Variants in HRH2 observed in about 807,000 individuals in gnomAD.
HRH2 encodes the protein histamine receptor H2.
A neutral mutation model predicts 20.1 loss-of-function variants in HRH2; 4 were observed. That is an observed-to-expected ratio of 0.20 (90% CI 0.10 to 0.45). HRH2 has a LOEUF of 0.45. Among genes scored for constraint, HRH2 ranks in the 20% least tolerant of loss-of-function variants. The pLI is 0.99. For synonymous variants in HRH2, 197 were observed against 200.7 expected (o/e 0.98, Z 0.16); for missense variants, 250 against 461.6 (o/e 0.54, Z 4.20).
intron 2 of HRH2, among the ~76,000 whole-genome samples, chr5:175,698,533 C>G (rs1047051761): frequency 3.7e-4 from 56 of 152,300 alleles, no homozygotes; most frequent in African/African-American, 1.2e-3. Flanking sequence ...AGCTCAGGCC[C>G]CAGAACACGA....
intron 1 of HRH2, among the ~76,000 whole-genome samples, chr5:175,662,803 G>C (rs1222561350): frequency 1.3e-5 from 2 of 152,138 alleles, no homozygotes; most frequent in Admixed American, 1.3e-4. Context: ...AAAGAAACCT[G>C]TCCACATTAG....
rs536902216 is a variant in HRH2, at chr5:175,681,680, T to C, written c.-525-1029T>C. The stretch of plus-strand genomic sequence containing the variant: ...CGTAGTGTTTGCACTACTTCAATAG[T>C]GCAAAGGGAGGAAGGGAGGAAGGAG... On this transcript the variant is annotated intron_variant, in intron 1 of 2. Coordinates refer to ENST00000636584, the MANE Select transcript of HRH2 (RefSeq NM_001367711.1). The surrounding 1 kb of genome is among the most constrained non-coding windows in gnomAD (Gnocchi z 4.3). 6.6e-6 allele frequency among the ~76,000 whole-genome samples: 1 copy of C among 152,298 alleles called. No homozygotes were observed. Among genetic ancestry groups the C allele is most frequent in the South Asian group, 2.1e-4 (1 of 4,824 alleles).
intron 1 of HRH2, among the ~76,000 whole-genome samples, chr5:175,658,356 G>A (rs1480513653): frequency 3.3e-5 from 5 of 152,186 alleles, no homozygotes; most frequent in African/African-American, 1.2e-4. Context: ...CCTCCGCCTG[G>A]CCTGCGAGCC....
intron 2 of HRH2, among the ~76,000 whole-genome samples, chr5:175,697,110 A>G (rs970971144): frequency 2.6e-5 from 4 of 152,180 alleles, no homozygotes; most frequent in African/African-American, 7.2e-5. Flanking sequence ...CAGGCTGAGC[A>G]CACACTACAT....
At chr5:175,702,202 A>T (rs1404415576) in intron 2 of HRH2, among the ~76,000 whole-genome samples, 2 of 152,308 alleles carry the variant, frequency 1.3e-5, no homozygotes, top group South Asian at 2.1e-4. Context: ...TAGAGATTCC[A>T]TATGGTATGG....
chr5:175,697,462 C>CAAA lies in HRH2; in HGVS notation c.1077-10301_1077-10299dup, dbSNP rs60466733. On this transcript the variant is annotated intron_variant, in intron 2 of 2. Transcript: ENST00000636584. Reference sequence around the variant, plus strand: ...TGGGCGAAAGAGTGAGACTCCGTCTCAAAAAAAAAAAAAAAAAAGAGGATG... The same window carrying CAAA: ...TGGGCGAAAGAGTGAGACTCCGTCTCAAAAAAAAAAAAAAAAAAAAAGAGGATG... Among the ~76,000 whole-genome samples, 562 of 82,554 alleles carry CAAA rather than the reference C, an allele frequency of 6.8e-3. 7 individuals are homozygous for CAAA. Among genetic ancestry groups the CAAA allele is most frequent in the African/African-American group, 0.019 (534 of 28,376 alleles). 54.2% of individuals were successfully genotyped at this position (82,554 alleles called of 152,430 possible). A position where few individuals can be genotyped will look rare whatever the true frequency, so the allele number is the denominator to read the frequency against.
In HRH2 at chr5:175,669,082, C is replaced by T. The variant is rs550350843; in HGVS notation, c.-526+10927C>T. Among the ~76,000 whole-genome samples, 22 of 152,050 alleles carry T rather than the reference C, an allele frequency of 1.4e-4. No homozygotes were observed. In the South Asian group the frequency reaches 3.1e-3, roughly 22 times the overall value. ...GTAGCCTCCACCTCCTGGGCCCAAG[C>T]GATCCTCCTGCCTCGGCCTTCCAAA... On this transcript the variant is annotated intron_variant, in intron 1 of 2. Coordinates refer to ENST00000636584, the MANE Select transcript of HRH2 (RefSeq NM_001367711.1).
intron 1 of HRH2, among the ~76,000 whole-genome samples, chr5:175,658,914 C>T (rs1026034929): frequency 6.6e-6 from 1 of 152,178 alleles, no homozygotes; most frequent in African/African-American, 2.4e-5. Flanking sequence ...CCACCCCGTC[C>T]ATGAGGTGTT....
chr5:175,691,702 G>T (rs1435333476), intron 2 of HRH2, among the ~76,000 whole-genome samples: 2 of 151,680 alleles, frequency 1.3e-5, no homozygotes, highest in Non-Finnish European at 2.9e-5. Flanking sequence ...GGCCAACATG[G>T]TGAAACCCCA....
At chr5:175,698,856 G>A (rs1248088330) in intron 2 of HRH2, among the ~76,000 whole-genome samples, 1 of 152,228 alleles carries the variant, frequency 6.6e-6, no homozygotes, top group African/African-American at 2.4e-5. Context: ...GGGTGCAAAA[G>A]CGAACCCAGA....
chr5:175,664,209 C>T (rs1209068559), intron 1 of HRH2, among the ~76,000 whole-genome samples: 1 of 152,184 alleles, frequency 6.6e-6, no homozygotes, highest in African/African-American at 2.4e-5. Flanking sequence ...CCACCTTGGG[C>T]TCTAGAATTG....
intron 1 of HRH2, among the ~76,000 whole-genome samples, chr5:175,665,742 G>A (rs1762869441): frequency 6.6e-6 from 1 of 152,140 alleles, no homozygotes; most frequent in Admixed American, 6.5e-5. Flanking sequence ...GATGTCAACT[G>A]AGGCCAAGCT....
chr5:175,664,025 T>G (rs1225218457), intron 1 of HRH2, among the ~76,000 whole-genome samples: 1 of 152,130 alleles, frequency 6.6e-6, no homozygotes, highest in Non-Finnish European at 1.5e-5. Context: ...GTGAGAGAAG[T>G]GTGGCTGGAG....
rs943819332 is a variant in HRH2, at chr5:175,709,422, C to T, written c.*1451C>T. On this transcript the variant is annotated 3_prime_UTR_variant, in exon 3 of 3. Coordinates refer to ENST00000636584, the MANE Select transcript of HRH2 (RefSeq NM_001367711.1). ...CAGATTTATAACTGCAGGCTTGGCT[C>T]CTTCCGGGAGCTTGAGACCCACTGC... 3 of 152,210 alleles carry T rather than the reference C, an allele frequency of 2.0e-5. No individual in the cohort carries two copies. The highest frequency in any genetic ancestry group is 4.4e-5 in the Non-Finnish European group (3 of 68,052). 9.4% of individuals were successfully genotyped at this position (152,210 alleles called of 1,614,324 possible).
intron 2 of HRH2, among the ~76,000 whole-genome samples, chr5:175,697,766 A>G (rs1316820158): frequency 6.6e-6 from 1 of 152,168 alleles, no homozygotes; most frequent in East Asian, 1.9e-4. Flanking sequence ...TACTCCGACT[A>G]CAGAATCCCT....
At chr5:175,695,556 G>A (rs1409708109) in intron 2 of HRH2, among the ~76,000 whole-genome samples, 5 of 152,164 alleles carry the variant, frequency 3.3e-5, no homozygotes, top group East Asian at 1.9e-4. Context: ...CCCTAGAAAC[G>A]GAATTTCTGG....
At chr5:175,700,087 C>T (rs1442336977) in intron 2 of HRH2, among the ~76,000 whole-genome samples, 6 of 152,176 alleles carry the variant, frequency 3.9e-5, no homozygotes, top group Non-Finnish European at 1.5e-5. Context: ...AAGGCTCAGA[C>T]AGAACGCGGA....
chr5:175,703,665 TTAAGA>T (rs2113563108), intron 2 of HRH2, among the ~76,000 whole-genome samples: 1 of 152,110 alleles, frequency 6.6e-6, no homozygotes, highest in East Asian at 1.9e-4. Context: ...GCAAAACTTG[TTAAGA>T]TAACAGAATA....
At chr5:175,691,560 G>A (rs916304313) in intron 2 of HRH2, among the ~76,000 whole-genome samples, 11 of 152,296 alleles carry the variant, frequency 7.2e-5, no homozygotes, top group Non-Finnish European at 1.2e-4. Context: ...TGACTTTGGG[G>A]CCACTGCTAG....
Sources: gnomAD v4.1 joint callset for allele counts (sites outside exome capture counted in the v4.1 genomes callset) on GRCh38, gnomAD v4.1.1 for gene constraint, Gnocchi (gnomAD v3.1) non-coding constraint, MANE v1.5 for transcripts, NCBI Gene and HGNC (gene_info 2026-07-23, HGNC 2026-07-21) for gene names.